IAH1: variants seen among roughly 807,000 people sequenced by gnomAD.
IAH1 encodes the protein isoamyl acetate hydrolyzing esterase 1 (putative), also known as isoamyl acetate-hydrolyzing esterase 1 homolog.
IAH1 carries 24 observed loss-of-function variants against 26.7 expected under a neutral mutation model. The ratio of observed to expected loss-of-function variants is 0.90; its 90% CI spans 0.65 to 1.26. The LOEUF is 1.26. Ranked by LOEUF, IAH1 falls within the 50% of genes most tolerant of loss-of-function variation. The pLI, the probability that IAH1 is intolerant of heterozygous loss-of-function variation, is 0.00. For synonymous variants in IAH1, 140 were observed against 118.5 expected, an observed-to-expected ratio of 1.18 and a Z score of -1.18; for missense variants, 300 against 299.9, an observed-to-expected ratio of 1.00 and a Z score of 0.00.
At chr2:9,490,657 C>G, downstream of IAH1, 6 of 905,512 alleles carry the variant, frequency 6.6e-6, no homozygotes, top group Non-Finnish European at 8.1e-6. Flanking sequence ...GTGAGGCTCA[C>G]TCAACCTAAG....
downstream of IAH1, chr2:9,492,864 A>G: frequency 6.5e-7 from 1 of 1,547,958 alleles, no homozygotes; most frequent in Non-Finnish European, 8.8e-7. Flanking sequence ...AAATTTAAAT[A>G]AAACATTTAA....
chr2:9,499,635 C>T (rs1662882692), downstream of IAH1, among the ~76,000 whole-genome samples: 1 of 152,168 alleles, frequency 6.6e-6, no homozygotes, highest in Non-Finnish European at 1.5e-5. Context: ...ATCTCCTGAT[C>T]TCGTGATCTG....
rs1212359401 is a variant in IAH1 at position 9,488,614 on chromosome 2, T to C, written c.*285T>C. On this transcript the variant is annotated 3_prime_UTR_variant, in exon 6 of 6. Transcript: ENST00000497473. ...AAAAGTCACAATTTTATAAAAATGG[T>C]TTTTCTTACATTCTTTTGAGAACTG... 5 of 245,172 alleles carry C rather than the reference T, an allele frequency of 2.0e-5. No individual in the cohort carries two copies. The highest frequency in any genetic ancestry group is 3.8e-5 in the Non-Finnish European group (5 of 129,922). The allele number at this position is 245,172 out of a possible 1,614,324, so 15.2% of individuals were successfully genotyped here.
At chr2:9,510,165 A>G in the IAH1 span, 1 of 1,611,914 alleles carries the variant, frequency 6.2e-7, no homozygotes, top group African/African-American at 1.3e-5. Context: ...ATTATTTCTC[A>G]ATATCCAGCC....
downstream of IAH1, among the ~76,000 whole-genome samples, chr2:9,498,331 C>G (rs1488429528): frequency 6.6e-6 from 1 of 152,044 alleles, no homozygotes; most frequent in Non-Finnish European, 1.5e-5. Context: ...TGTGCCCAGG[C>G]CAATAATGCC....
downstream of IAH1, among the ~76,000 whole-genome samples, chr2:9,491,346 T>C (rs774912463): frequency 6.6e-6 from 1 of 152,212 alleles, no homozygotes; most frequent in African/African-American, 2.4e-5. Context: ...AGTGTTTCCT[T>C]TGCACTCAAA....
intron 4 of IAH1, among the ~76,000 whole-genome samples, chr2:9,483,858 GTCA>G (rs1489712106): frequency 2.6e-5 from 4 of 152,232 alleles, no homozygotes; most frequent in Admixed American, 6.5e-5. Context: ...GGTAGGCACT[GTCA>G]TCATAAGAAT....
the IAH1 span, among the ~76,000 whole-genome samples, chr2:9,504,576 C>A: frequency 6.6e-6 from 1 of 151,918 alleles, no homozygotes; most frequent in African/African-American, 2.4e-5. Flanking sequence ...ACCATCCTGG[C>A]CACCGTAGTG....
At chr2:9,491,372 C>T (rs776278353), downstream of IAH1, among the ~76,000 whole-genome samples, 19 of 152,154 alleles carry the variant, frequency 1.2e-4, no homozygotes, top group Non-Finnish European at 2.6e-4. Context: ...TACATTTTGG[C>T]GTTAAGTACA....
the IAH1 span, chr2:9,502,404 C>T: frequency 4.1e-6 from 3 of 733,486 alleles, no homozygotes; most frequent in Non-Finnish European, 2.3e-6. Flanking sequence ...TCACCCACTC[C>T]TACATCATCA....
In IAH1 at chr2:9,479,795, C is replaced by CTTTT. The variant is rs5829216; in HGVS notation, c.283+1457_284-1456dup. ...TGTGTGCGGAGATTTCTGTGTATTG[C>CTTTT]TTTTTTTTTTTTTTTTTTTTTTTTT... On this transcript the variant is annotated intron_variant, in intron 3 of 5. Coordinates refer to ENST00000497473, the MANE Select transcript of IAH1 (RefSeq NM_001039613.3). 1.9e-3 allele frequency among the ~76,000 whole-genome samples: 136 copies of CTTTT among 69,864 alleles called. 11 individuals are homozygous for CTTTT. Among genetic ancestry groups the CTTTT allele is most frequent in the East Asian group, 0.018 (15 of 832 alleles). 45.8% of individuals were successfully genotyped at this position (69,864 alleles called of 152,430 possible).
At chr2:9,494,896 AATACT>A in intron 6 of IAH1, 1 of 1,146,866 alleles carries the variant, frequency 8.7e-7, no homozygotes, top group Non-Finnish European at 1.2e-6. Flanking sequence ...TTAAATAGCT[AATACT>A]ATCCATAGCC....
chr2:9,486,096 T>A (rs1661462344), intron 5 of IAH1: 1 of 151,976 alleles, frequency 6.6e-6, no homozygotes, highest in Non-Finnish European at 1.5e-5. Context: ...TATTAATCCA[T>A]ACCAATCGTT....
Position 9,474,822 on chromosome 2 carries a change from G to C in IAH1, c.81+175G>C. On this transcript the variant is annotated intron_variant, in intron 1 of 5. Transcript: ENST00000497473. This position sits in a 1 kb window ranked among gnomAD's most constrained non-coding sequence, Gnocchi z 4.3. Reference sequence around the variant, plus strand: ...GGTCCCCCAGTGGCTGCGCCTTCCGGGCCCGCGGCGTCCCGGAGGTCACGA... The same window carrying C: ...GGTCCCCCAGTGGCTGCGCCTTCCGCGCCCGCGGCGTCCCGGAGGTCACGA... The C allele has an allele frequency of 3.7e-6, 2 of 542,524 alleles. No homozygotes were observed. The highest frequency in any genetic ancestry group is 4.7e-5 in the Admixed American group (1 of 21,396). 33.6% of individuals were successfully genotyped at this position (542,524 alleles called of 1,614,324 possible). A position where few individuals can be genotyped will look rare whatever the true frequency, so the allele number is the denominator to read the frequency against.
chr2:9,490,544 T>A, downstream of IAH1: 1 of 1,592,226 alleles, frequency 6.3e-7, no homozygotes, highest in Non-Finnish European at 8.6e-7. Context: ...TTCAATTGAT[T>A]GATAGGAATA....
chr2:9,478,007 C>A (rs185182489), intron 2 of IAH1, among the ~76,000 whole-genome samples: 3 of 152,082 alleles, frequency 2.0e-5, no homozygotes, highest in Non-Finnish European at 4.4e-5. Flanking sequence ...ACTTCTCTCA[C>A]GGAGGAGTAT....
At chr2:9,492,941 G>A, downstream of IAH1, 2 of 1,612,988 alleles carry the variant, frequency 1.2e-6, no homozygotes, top group Non-Finnish European at 1.7e-6. Context: ...AAATATCAAG[G>A]AGAAAACCAG....
At chr2:9,481,819 T>A (rs900720027) in intron 4 of IAH1, among the ~76,000 whole-genome samples, 1 of 151,896 alleles carries the variant, frequency 6.6e-6, no homozygotes, top group Admixed American at 6.6e-5. Flanking sequence ...CACCTGGGGC[T>A]TTTTACTGGT....
chr2:9,480,784 A>G (rs1661123916), intron 3 of IAH1: 1 of 153,158 alleles, frequency 6.5e-6, no homozygotes, highest in Non-Finnish European at 1.5e-5. Flanking sequence ...CGTGGGTGCC[A>G]TTTGTTTAGA....
Sources: allele counts gnomAD v4.1 joint callset (sites outside exome capture counted in the v4.1 genomes callset), GRCh38; gene constraint gnomAD v4.1.1; non-coding constraint Gnocchi (gnomAD v3.1); transcripts MANE v1.5; gene names NCBI Gene and HGNC (gene_info 2026-07-23, HGNC 2026-07-21).